The following MYO1E variants were observed in gnomAD, a reference collection of about 807,000 sequenced individuals.
The protein encoded by MYO1E is myosin IE, also known as unconventional myosin-Ie.
In MYO1E, 68 loss-of-function variants were observed where a neutral mutation model predicts 151.1. That is an observed-to-expected ratio of 0.45 (90% confidence interval 0.37 to 0.55). The LOEUF (loss-of-function observed/expected upper bound fraction) is 0.55. MYO1E is among the 20% of genes least tolerant of loss of function. The probability of loss-of-function intolerance (pLI) is 0.00; values close to 1 mark genes in which losing one functional copy is unlikely to be tolerated. For missense variants in MYO1E, 1,363 were observed against 1,389.3 expected (o/e 0.98, Z 0.30); for synonymous variants, 601 against 501.7 (o/e 1.20, Z -2.64).
At chr15:59,157,590 C>A (rs2079516000) in intron 25 of MYO1E, among the ~76,000 whole-genome samples, 1 of 152,198 alleles carries the variant, frequency 6.6e-6, no homozygotes, top group Non-Finnish European at 1.5e-5. Context: ...GTGTGCTACC[C>A]CATCATCAGT....
rs369132214 is a variant in MYO1E, at chr15:59,218,081, G to A, written c.917C>T (p.Ala306Val). ...YAAVESEEFL[A>V]FPAYLLGINQ... ...TATCCCTAGCAGATATGCAGGAAAA[G>A]CTAAAACTGTAGAACATAAAACAAA... The change falls in exon 10 of 28, where the codon GCT becomes GTT. Residue 306 changes from alanine to valine, a missense_variant. Ala to Val is a moderately conservative substitution (Grantham distance 64). Transcript: ENST00000288235. 2.5e-6 allele frequency: 4 copies of A among 1,614,036 alleles called. No homozygotes were observed. In the African/African-American group the frequency reaches 5.3e-5, roughly 22 times the overall value.
In MYO1E at chr15:59,221,028, T is replaced by C. The variant is rs2079952561; in HGVS notation, c.910+2031A>G. ...ATATATAATATATATATAAAATTTA[T>C]ATATATATTATATATATATACACAC... On this transcript the variant is annotated intron_variant, in intron 9 of 27. Transcript: ENST00000288235. 2.1e-5 allele frequency among the ~76,000 whole-genome samples: 3 copies of C among 145,578 alleles called. No individual in the cohort carries two copies. In the Admixed American group the frequency reaches 2.1e-4, roughly 10 times the overall value.
chr15:59,351,498 G>C (rs1348700671), intron 1 of MYO1E, among the ~76,000 whole-genome samples: 1 of 152,162 alleles, frequency 6.6e-6, no homozygotes, highest in African/African-American at 2.4e-5. Context: ...AGACCGTAAT[G>C]CATTTTGGTC....
At chr15:59,269,469 A>T (rs1596393311) in intron 2 of MYO1E, among the ~76,000 whole-genome samples, 1 of 152,338 alleles carries the variant, frequency 6.6e-6, no homozygotes, top group East Asian at 1.9e-4. Context: ...ACATTTTTTG[A>T]CGGTGTTAAG....
chr15:59,166,923 C>A (rs1409926653), intron 22 of MYO1E, among the ~76,000 whole-genome samples: 1 of 152,216 alleles, frequency 6.6e-6, no homozygotes, highest in Non-Finnish European at 1.5e-5. Context: ...CATGTTTACT[C>A]AGCTGTCTGT....
chr15:59,222,539 T>C (rs1330061812), intron 9 of MYO1E, among the ~76,000 whole-genome samples: 1 of 152,156 alleles, frequency 6.6e-6, no homozygotes, highest in African/African-American at 2.4e-5. Flanking sequence ...AACACAACAG[T>C]CAATGTCCAT....
chr15:59,231,818 A>G (rs2080030122), intron 5 of MYO1E, 27 bp from the exon 6 acceptor site: 2 of 1,611,580 alleles, frequency 1.2e-6, no homozygotes, highest in Middle Eastern at 1.7e-4. Context: ...ACCGGAGGTT[A>G]GGAAGGTGTG....
intron 1 of MYO1E, among the ~76,000 whole-genome samples, chr15:59,281,580 T>G (rs1317276087): frequency 6.7e-6 from 1 of 148,468 alleles, no homozygotes; most frequent in Admixed American, 6.7e-5. Flanking sequence ...CCGGCCCCCA[T>G]GACTTTTCTG....
chr15:59,189,970 AT>A (rs562144053), intron 17 of MYO1E, among the ~76,000 whole-genome samples: 160 of 152,270 alleles, frequency 1.1e-3, no homozygotes, highest in Admixed American at 1.9e-3. Flanking sequence ...GGGGATGCTG[AT>A]TTAGTAGGCC....
At chr15:59,141,361 A>G (rs763301686) in intron 26 of MYO1E, among the ~76,000 whole-genome samples, 2 of 152,220 alleles carry the variant, frequency 1.3e-5, no homozygotes, top group African/African-American at 4.8e-5. Context: ...AAGTGTAACA[A>G]TTGCATATAA....
At chr15:59,212,700 A>G (rs1395966778) in intron 12 of MYO1E, 1 of 152,202 alleles carries the variant, frequency 6.6e-6, no homozygotes, top group East Asian at 1.9e-4. Flanking sequence ...TCCAGTCATC[A>G]TGGCAGGGTA....
intron 1 of MYO1E, among the ~76,000 whole-genome samples, chr15:59,291,593 T>A (rs1455752609): frequency 6.7e-6 from 1 of 148,766 alleles, no homozygotes; most frequent in Non-Finnish European, 1.5e-5. Flanking sequence ...CCCAGCACTT[T>A]GGGAGGTCAA....
At chr15:59,149,762 C>G (rs551914280) in intron 26 of MYO1E, among the ~76,000 whole-genome samples, 3 of 152,256 alleles carry the variant, frequency 2.0e-5, no homozygotes, top group African/African-American at 7.2e-5. Flanking sequence ...GAAAGATAAA[C>G]TCAGAATGTG....
chr15:59,193,064 A>ACAGTCTAGTTCTTTGCTCTAGAACC (rs1555410001), intron 17 of MYO1E, among the ~76,000 whole-genome samples: 13 of 151,358 alleles, frequency 8.6e-5, no homozygotes, highest in Middle Eastern at 6.8e-3. Flanking sequence ...GCACCGGGAC[A>ACAGTCTAGTTCTTTGCTCTAGAACC]CAGTCTAGTT....
intron 3 of MYO1E, among the ~76,000 whole-genome samples, chr15:59,257,907 T>A (rs1464811562): frequency 6.6e-6 from 1 of 152,212 alleles, no homozygotes; most frequent in Non-Finnish European, 1.5e-5. Context: ...AGGATTATTA[T>A]AATTATTATT....
chr15:59,216,670 A>G (rs1363008695), intron 10 of MYO1E, among the ~76,000 whole-genome samples: 2,753 of 10,864 alleles, frequency 0.25, 363 homozygotes, highest in Middle Eastern at 0.5. Flanking sequence ...GTATGTGTAT[A>G]TATATATATA....
At chr15:59,361,978 G>A (rs1182181788) in intron 1 of MYO1E, among the ~76,000 whole-genome samples, 1 of 151,782 alleles carries the variant, frequency 6.6e-6, no homozygotes, top group Non-Finnish European at 1.5e-5. Flanking sequence ...CTGGGATTAC[G>A]GGCGTCTACC....
chr15:59,207,695 G>C (rs769974621), intron 14 of MYO1E: 7 of 1,614,060 alleles, frequency 4.3e-6, no homozygotes, highest in Non-Finnish European at 5.9e-6. Context: ...GTGTGGAGTG[G>C]AGTGAACATA....
intron 4 of MYO1E, among the ~76,000 whole-genome samples, chr15:59,237,947 C>T (rs1385247982): frequency 6.6e-6 from 1 of 152,106 alleles, no homozygotes; most frequent in African/African-American, 2.4e-5. Flanking sequence ...TATGGGGAGG[C>T]GGGAACCATC....
Sources: allele counts gnomAD v4.1 joint callset (sites outside exome capture counted in the v4.1 genomes callset), GRCh38; gene constraint gnomAD v4.1.1; transcripts MANE v1.5; gene names NCBI Gene and HGNC (gene_info 2026-07-23, HGNC 2026-07-21).